RASGRF2: variants seen among roughly 807,000 people sequenced by gnomAD.
RASGRF2 encodes the protein Ras protein specific guanine nucleotide releasing factor 2.
A neutral mutation model predicts 151.0 loss-of-function variants in RASGRF2; 76 were observed. The ratio of observed to expected loss-of-function variants is 0.50; its 90% CI spans 0.42 to 0.61. RASGRF2 has a LOEUF of 0.61. Among genes scored for constraint, RASGRF2 ranks in the 20% least tolerant of loss-of-function variants. The pLI, the probability that RASGRF2 is intolerant of heterozygous loss-of-function variation, is 0.00. For missense variants in RASGRF2, 1,148 were observed against 1,564.6 expected, an observed-to-expected ratio of 0.73 and a Z score of 4.49; for synonymous variants, 504 against 566.5, an observed-to-expected ratio of 0.89 and a Z score of 1.57.
At chr5:81,125,687 A>G (rs1388654681) in intron 16 of RASGRF2, among the ~76,000 whole-genome samples, 1 of 151,946 alleles carries the variant, frequency 6.6e-6, no homozygotes, top group Non-Finnish European at 1.5e-5. Flanking sequence ...AATTATTAGA[A>G]CTCTACTTTA....
At chr5:80,971,195 G>A (rs996312350) in intron 1 of RASGRF2, among the ~76,000 whole-genome samples, 11 of 152,116 alleles carry the variant, frequency 7.2e-5, no homozygotes, top group Non-Finnish European at 1.5e-4. Flanking sequence ...ACATTGACAC[G>A]ATCAGCCCTC....
chr5:81,117,774 T>C (rs779766158), intron 15 of RASGRF2, among the ~76,000 whole-genome samples: 119 of 152,302 alleles, frequency 7.8e-4, no homozygotes, highest in Non-Finnish European at 1.3e-3. Flanking sequence ...ACATGATTCA[T>C]CCTGAGGCAA....
At chr5:81,052,219 A>T (rs1751033874) in intron 2 of RASGRF2, among the ~76,000 whole-genome samples, 2 of 152,192 alleles carry the variant, frequency 1.3e-5, no homozygotes, top group South Asian at 4.1e-4. Context: ...CAGCTTCATA[A>T]TATAGTACTA....
chr5:81,106,510 A>G (rs888854493), intron 12 of RASGRF2, among the ~76,000 whole-genome samples: 1 of 151,498 alleles, frequency 6.6e-6, no homozygotes, highest in African/African-American at 2.4e-5. Flanking sequence ...AAAATTCAAG[A>G]CTCCTTTCTC....
At chr5:81,109,929 T>C (rs1752950352) in intron 13 of RASGRF2, among the ~76,000 whole-genome samples, 1 of 152,214 alleles carries the variant, frequency 6.6e-6, no homozygotes, top group Non-Finnish European at 1.5e-5. Flanking sequence ...ATATCTATAG[T>C]ACACTAGATT....
At chr5:81,006,483 A>G (rs1183325144) in intron 1 of RASGRF2, among the ~76,000 whole-genome samples, 1 of 152,228 alleles carries the variant, frequency 6.6e-6, no homozygotes, top group Non-Finnish European at 1.5e-5. Context: ...AAAGCTTCAT[A>G]TGTAGTAGGC....
In RASGRF2 at chr5:81,144,150, C is replaced by T. The variant is rs142862353; in HGVS notation, c.2686+16987C>T. Among the ~76,000 whole-genome samples the T allele has an allele frequency of 4.9e-3, 746 of 152,184 alleles. 9 individuals are homozygous for T. The highest frequency in any genetic ancestry group is 0.017 in the African/African-American group (691 of 41,512). ...TATGTAAAATTTCATCAGCCTCATA[C>T]ATTAAAAGGATGTGACAAGCTTTTA... On this transcript the variant is annotated intron_variant, in intron 17 of 26. Transcript: ENST00000265080.
intron 5 of RASGRF2, among the ~76,000 whole-genome samples, chr5:81,076,419 C>G (rs1280847407): frequency 6.6e-6 from 1 of 152,228 alleles, no homozygotes. Flanking sequence ...AGTACATGGA[C>G]ACTTCTGTAG....
intron 17 of RASGRF2, among the ~76,000 whole-genome samples, chr5:81,176,395 C>T (rs997256226): frequency 1.2e-4 from 18 of 152,158 alleles, no homozygotes; most frequent in African/African-American, 2.4e-4. Flanking sequence ...CTTTGACATG[C>T]GCAGCATAAC....
In RASGRF2 at chr5:81,164,142, C is replaced by G. The variant is rs1754452428; in HGVS notation, c.2687-16033C>G. On this transcript the variant is annotated intron_variant, in intron 17 of 26. Coordinates refer to ENST00000265080, the MANE Select transcript of RASGRF2 (RefSeq NM_006909.3). ...AATTATAGTAACAATAATGTTTGAA[C>G]TCTAAAAATGATGCTTTCAATGTAG... 1.3e-5 allele frequency among the ~76,000 whole-genome samples: 2 copies of G among 152,066 alleles called. 1 individual carries two copies. The highest frequency in any genetic ancestry group is 4.2e-4 in the South Asian group (2 of 4,814).
intron 12 of RASGRF2, among the ~76,000 whole-genome samples, chr5:81,104,122 G>GA (rs1474299187): frequency 1.3e-5 from 2 of 151,888 alleles, no homozygotes; most frequent in Non-Finnish European, 2.9e-5. Context: ...TATTGGAATG[G>GA]AAAAAAAGAG....
intron 8 of RASGRF2, 85 bp downstream of exon 8, chr5:81,085,996 G>A: frequency 1.3e-6 from 2 of 1,552,094 alleles, no homozygotes; most frequent in South Asian, 1.2e-5. Flanking sequence ...ATGTTCTAAG[G>A]AACAAGAAGC....
intron 3 of RASGRF2, 168 bp from the exon 4 acceptor site, chr5:81,070,324 G>GTA (rs1751734163): frequency 1.7e-6 from 1 of 587,146 alleles, no homozygotes; most frequent in Non-Finnish European, 3.1e-6. Flanking sequence ...CATGCTTGGG[G>GTA]TAAAGTTCAT....
At position 81,208,469 on chromosome 5, in the gene RASGRF2, G is replaced by A. The variant is rs16878536; in HGVS notation, c.3156+31G>A. The A allele has an allele frequency of 7.2e-4, 1,109 of 1,541,374 alleles. 3 individuals are homozygous for A. In the African/African-American group the frequency reaches 0.013, roughly 18 times the overall value. On this transcript the variant is annotated intron_variant, in intron 22 of 26. Transcript: ENST00000265080. ...TAACCGTAACAGTAAAACCGTGGGC[G>A]TGTCACAAGAAGATGGATATTGGGG... is the stretch of plus-strand genomic sequence containing the variant.
At chr5:80,977,727 G>C (rs1209860533) in intron 1 of RASGRF2, among the ~76,000 whole-genome samples, 2 of 152,168 alleles carry the variant, frequency 1.3e-5, no homozygotes, top group Non-Finnish European at 2.9e-5. Flanking sequence ...AAAGTGCTGG[G>C]ATTATAGGCG....
chr5:81,092,640 C>T (rs1439050893), intron 9 of RASGRF2, among the ~76,000 whole-genome samples, 161 bp from the exon 10 acceptor site: 1 of 152,172 alleles, frequency 6.6e-6, no homozygotes, highest in Non-Finnish European at 1.5e-5. Flanking sequence ...TGCATTGTTT[C>T]TTCTGCTCAG....
intron 1 of RASGRF2, among the ~76,000 whole-genome samples, chr5:81,003,049 A>C (rs1749127764): frequency 6.6e-6 from 1 of 150,616 alleles, no homozygotes; most frequent in Non-Finnish European, 1.5e-5. Context: ...TTTTAATATC[A>C]CAAAGAGACT....
intron 1 of RASGRF2, among the ~76,000 whole-genome samples, chr5:81,005,374 G>A (rs541732549): frequency 3.9e-5 from 6 of 152,194 alleles, no homozygotes; most frequent in Middle Eastern, 6.8e-3. Flanking sequence ...GTCGGATCTC[G>A]TGAGAACGCA....
intron 1 of RASGRF2, among the ~76,000 whole-genome samples, chr5:80,961,579 G>C (rs1367291781): frequency 6.6e-6 from 1 of 152,164 alleles, no homozygotes; most frequent in African/African-American, 2.4e-5. Flanking sequence ...AGTTGGCCTT[G>C]CTAACATTTG....
Sources: allele counts gnomAD v4.1 joint callset (sites outside exome capture counted in the v4.1 genomes callset), GRCh38; gene constraint gnomAD v4.1.1; transcripts MANE v1.5; gene names NCBI Gene and HGNC (gene_info 2026-07-23, HGNC 2026-07-21).